NLRC3: variants seen among roughly 807,000 people sequenced by gnomAD.
The protein encoded by NLRC3 is NLR family CARD domain-containing protein 3.
A neutral mutation model predicts 91.6 loss-of-function variants in NLRC3; 87 were observed. The observed-to-expected ratio is 0.95, with a 90% CI of 0.80 to 1.14. NLRC3 has a LOEUF of 1.14. NLRC3 is among the 50% of genes most tolerant of loss of function. The pLI, the probability that NLRC3 is intolerant of heterozygous loss-of-function variation, is 0.00. For missense variants in NLRC3, 1,577 were observed against 1,418.6 expected (o/e 1.11, Z -1.79); for synonymous variants, 694 against 625.3 (o/e 1.11, Z -1.64).
chr16:3,574,392 GGT>G (rs1189706233), intron 1 of NLRC3, among the ~76,000 whole-genome samples: 2 of 152,110 alleles, frequency 1.3e-5, no homozygotes, highest in Non-Finnish European at 2.9e-5. Context: ...AAGCTCCTCC[GGT>G]GGTTCTAACC....
intron 12 of NLRC3, 98 bp from the exon 13 acceptor site, chr16:3,549,323 G>T: frequency 2.3e-6 from 2 of 861,606 alleles, no homozygotes; most frequent in Non-Finnish European, 3.8e-6. Flanking sequence ...CCAAGAAACT[G>T]CAGGCGGGGG....
At chr16:3,548,093 TCAA>T (rs2038791716) in intron 15 of NLRC3, 39 bp downstream of exon 15, 1 of 1,400,220 alleles carries the variant, frequency 7.1e-7, no homozygotes, top group Non-Finnish European at 9.9e-7. Flanking sequence ...TCCCCTGTCC[TCAA>T]CAGCCCCCGC....
intron 7 of NLRC3, 41 bp from the exon 8 acceptor site, chr16:3,557,035 C>T (rs368168723): frequency 1.7e-5 from 23 of 1,391,358 alleles, no homozygotes; most frequent in African/African-American, 9.9e-5. Flanking sequence ...CATCTGTCTC[C>T]CAGAGAGGGA....
chr16:3,543,159 G>C (rs1474872563), intron 17 of NLRC3: 1 of 504,824 alleles, frequency 2.0e-6, no homozygotes, highest in Non-Finnish European at 3.6e-6. Context: ...GATCTGCCCA[G>C]AGAACAAGAT....
At chr16:3,574,732 G>A (rs2040222730) in intron 1 of NLRC3, among the ~76,000 whole-genome samples, 1 of 152,080 alleles carries the variant, frequency 6.6e-6, no homozygotes, top group Non-Finnish European at 1.5e-5. Flanking sequence ...AGGCTGAGGT[G>A]GGCAGATCAC....
intron 1 of NLRC3, among the ~76,000 whole-genome samples, chr16:3,571,864 C>T (rs533817878): frequency 2.6e-5 from 4 of 151,640 alleles, no homozygotes; most frequent in South Asian, 4.2e-4. Flanking sequence ...CGCTTGAACC[C>T]GGGAGGCAGA....
At chr16:3,559,720 C>G (rs959417424) in intron 6 of NLRC3, among the ~76,000 whole-genome samples, 4 of 149,890 alleles carry the variant, frequency 2.7e-5, no homozygotes, top group African/African-American at 9.8e-5. Flanking sequence ...CTCACTGCAA[C>G]TTCTGCCTCC....
At chr16:3,561,421 C>G (rs1386192210) in intron 6 of NLRC3, among the ~76,000 whole-genome samples, 1 of 152,154 alleles carries the variant, frequency 6.6e-6, no homozygotes, top group African/African-American at 2.4e-5. Context: ...AACATTGTGC[C>G]TGGCATTATG....
intron 12 of NLRC3, 30 bp from the exon 13 acceptor site, chr16:3,549,255 G>T (rs1307786796): frequency 2.0e-6 from 3 of 1,508,506 alleles, no homozygotes; most frequent in South Asian, 2.4e-5. Context: ...CTGAGCTTCT[G>T]ACCGGGCAGA....
At position 3,562,992 on chromosome 16, in the gene NLRC3, C is replaced by A; in HGVS notation, c.1928+17G>T. 1 of 1,547,924 alleles carries A rather than the reference C, an allele frequency of 6.5e-7. No homozygotes were observed. The highest frequency in any genetic ancestry group is 8.7e-7 in the Non-Finnish European group (1 of 1,146,756). ...TCTGCCCCTTCCCCAGCCCCTGCCC[C>A]CTGCCCTGGTATCCACCTGAGCTTC... On this transcript the variant is annotated intron_variant, in intron 5 of 19. Coordinates refer to ENST00000359128, the MANE Select transcript of NLRC3 (RefSeq NM_178844.4).
chr16:3,561,555 A>G, intron 6 of NLRC3, 147 bp downstream of exon 6: 2 of 593,610 alleles, frequency 3.4e-6, no homozygotes, highest in Non-Finnish European at 6.0e-6. Flanking sequence ...ATTGGGCAGA[A>G]ACAAGCAGGC....
chr16:3,548,204 A>G lies in NLRC3; in HGVS notation c.2702T>C (p.Phe901Ser), dbSNP rs1284622282. The G allele has an allele frequency of 3.1e-6, 5 of 1,593,400 alleles. No individual in the cohort carries two copies. The highest frequency in any genetic ancestry group is 4.3e-6 in the Non-Finnish European group (5 of 1,169,994). ...GGCCTGGGCAGCGCCGGCCTGGATG[A>G]AGTTCCACTGCAGGCTGGGCAGACA... ...TLTSLHLQWN[F>S]IQAGAAQALG... Residue 901 changes from phenylalanine (F) to serine (S), a missense_variant, in exon 15 of 20, where the codon TTC (phenylalanine) becomes TCC (serine). Transcript: ENST00000359128.
rs191588392 is a variant in NLRC3 at position 3,562,586 on chromosome 16, A to G, written c.1928+423T>C. On this transcript the variant is annotated intron_variant, in intron 5 of 19. Transcript: ENST00000359128. ...AACCCAGGAGGCAGCGTTTGCAGTG[A>G]GCTGAGATCGCGCCACTGTATTCCA... Among the ~76,000 whole-genome samples, 31 of 152,288 alleles carry G rather than the reference A, an allele frequency of 2.0e-4. No individual in the cohort carries two copies. In the East Asian group the frequency reaches 5.6e-3, roughly 27 times the overall value.
At chr16:3,566,586 GT>G (rs2039893567) in intron 2 of NLRC3, among the ~76,000 whole-genome samples, 1 of 152,178 alleles carries the variant, frequency 6.6e-6, no homozygotes, top group Non-Finnish European at 1.5e-5. Context: ...TTAGCCAAGT[GT>G]GGCAGCACAT....
chr16:3,558,582 C>G (rs78351851), intron 6 of NLRC3, among the ~76,000 whole-genome samples: 1 of 147,618 alleles, frequency 6.8e-6, no homozygotes, highest in Admixed American at 6.8e-5. Context: ...TAAAAAAAAA[C>G]CACACACACA....
At chr16:3,543,541 G>T in intron 16 of NLRC3, 33 bp from the exon 17 acceptor site, 2 of 1,512,086 alleles carry the variant, frequency 1.3e-6, no homozygotes, top group Non-Finnish European at 1.8e-6. Flanking sequence ...AGTGTGAGCC[G>T]GCTGGGCCCA....
chr16:3,564,944 C>G lies in NLRC3; in HGVS notation c.93G>C (p.Leu31=). The G allele has an allele frequency of 6.2e-7, 1 of 1,610,718 alleles. No homozygotes were observed. Among genetic ancestry groups the G allele is most frequent in the South Asian group, 1.1e-5 (1 of 90,972 alleles). The change falls in exon 4 of 20, where the codon CTG becomes CTC. Residue 31 remains leucine (L), a synonymous_variant. Coordinates refer to ENST00000359128, the MANE Select transcript of NLRC3 (RefSeq NM_178844.4). This position sits in a 1 kb window ranked among gnomAD's most constrained non-coding sequence, Gnocchi z 5.9. ...PAEQVKALMD[L]LAGKGSQGSQ... ...AGCCTTGACTGCCCTTCCCAGCCAG[C>G]AGATCCATGAGGGCTTTCACCTGCT...
intron 8 of NLRC3, among the ~76,000 whole-genome samples, chr16:3,554,834 T>A (rs1375537787): frequency 2.0e-5 from 3 of 152,210 alleles, no homozygotes; most frequent in Non-Finnish European, 2.9e-5. Context: ...GCAACGATAT[T>A]CATATAACCA....
In NLRC3 at chr16:3,541,605, A is replaced by C. The variant is rs202021400; in HGVS notation, c.*220T>G. The C allele has an allele frequency of 1.7e-6, 1 of 574,716 alleles. No individual in the cohort carries two copies. Among genetic ancestry groups the C allele is most frequent in the South Asian group, 2.1e-5 (1 of 47,464 alleles). The allele number at this position is 574,716 out of a possible 1,614,324, so 35.6% of individuals were successfully genotyped here. ...GGGTGGCCCCTCCCTTCTCTGTGCC[A>C]TAACAGAGTACCCGTCACCCCCTGC... On this transcript the variant is annotated 3_prime_UTR_variant, in exon 20 of 20. Transcript: ENST00000359128.
Sources: allele counts gnomAD v4.1 joint callset (sites outside exome capture counted in the v4.1 genomes callset), GRCh38; gene constraint gnomAD v4.1.1; non-coding constraint Gnocchi (gnomAD v3.1); transcripts MANE v1.5; gene names NCBI Gene and HGNC (gene_info 2026-07-23, HGNC 2026-07-21).